Variants in BACH2 observed in about 807,000 individuals in gnomAD.
The protein encoded by BACH2 is BACH transcriptional regulator 2.
A neutral mutation model predicts 61.8 loss-of-function variants in BACH2; 5 were observed. The ratio of observed to expected loss-of-function variants is 0.08; its 90% CI spans 0.04 to 0.17. The LOEUF (loss-of-function observed/expected upper bound fraction) is 0.17. Ranked by LOEUF, BACH2 falls within the 10% of genes least tolerant of loss-of-function variation. The pLI, the probability that BACH2 is intolerant of heterozygous loss-of-function variation, is 1.00. For synonymous variants in BACH2, 446 were observed against 440.1 expected (o/e 1.01, Z -0.17); for missense variants, 824 against 1,091.1 (o/e 0.76, Z 3.45).
chr6:90,088,815 T>A (rs371020453), intron 5 of BACH2, 146 bp downstream of exon 5: 10 of 152,098 alleles, frequency 6.6e-5, no homozygotes, highest in East Asian at 5.7e-4. Flanking sequence ...AATATACAGA[T>A]TCCAACCTTT....
intron 4 of BACH2, among the ~76,000 whole-genome samples, chr6:90,176,130 G>A (rs1767976329): frequency 2.6e-5 from 4 of 152,172 alleles, no homozygotes; most frequent in African/African-American, 9.7e-5. Context: ...TGGGACCTGT[G>A]AATGTAACAA....
rs1773987168 is a variant in BACH2 at position 89,950,125 on chromosome 6, T to C, written c.1836+145A>G. On this transcript the variant is annotated intron_variant, in intron 7 of 8. Transcript: ENST00000257749. This position sits in a 1 kb window ranked among gnomAD's most constrained non-coding sequence, Gnocchi z 5.3. ...GTGGAATCACCTTCAGCATCCTGCC[T>C]CTGTGGATGGGGAAGGCAGTCTCTC... The C allele has an allele frequency of 2.1e-6, 2 of 931,508 alleles. No individual in the cohort carries two copies. The highest frequency in any genetic ancestry group is 3.4e-6 in the Non-Finnish European group (2 of 585,608). 57.7% of individuals were successfully genotyped at this position (931,508 alleles called of 1,614,324 possible). A position where few individuals can be genotyped will look rare whatever the true frequency, so the allele number is the denominator to read the frequency against.
intron 6 of BACH2, among the ~76,000 whole-genome samples, chr6:90,003,879 G>A (rs1777266012): frequency 6.6e-6 from 1 of 152,184 alleles, no homozygotes; most frequent in Non-Finnish European, 1.5e-5. Context: ...TCTCATCCTG[G>A]TCATGCCACT....
chr6:90,055,345 A>T (rs1780279822), intron 5 of BACH2, among the ~76,000 whole-genome samples: 1 of 152,240 alleles, frequency 6.6e-6, no homozygotes, highest in South Asian at 2.1e-4. Flanking sequence ...TCAGTAGCCG[A>T]TTCGATCAAC....
chr6:90,166,433 A>G (rs1767620690), intron 4 of BACH2, among the ~76,000 whole-genome samples: 1 of 152,250 alleles, frequency 6.6e-6, no homozygotes, highest in East Asian at 1.9e-4. Flanking sequence ...GTGGAGAAAT[A>G]GAAACACTTT....
intron 6 of BACH2, among the ~76,000 whole-genome samples, chr6:90,005,647 A>G (rs2127779573): frequency 6.6e-6 from 1 of 152,318 alleles, no homozygotes. Flanking sequence ...AGGTGCCCTG[A>G]GCAGAGGGGG....
rs1319923745 is a variant in BACH2 at position 90,099,515 on chromosome 6, A to C, written c.-161-10406T>G. On this transcript the variant is annotated intron_variant, in intron 4 of 8. Transcript: ENST00000257749. ...GGCCTCAGCCTCCTGAGTAGCTGGG[A>C]CTACAGGTGTGTGCCCTTAAAACTG... Among the ~76,000 whole-genome samples the C allele has an allele frequency of 3.0e-4, 46 of 152,186 alleles. 1 individual carries two copies. The highest frequency in any genetic ancestry group is 3.0e-3 in the Admixed American group (46 of 15,282).
chr6:90,201,518 G>A (rs1231821249), intron 4 of BACH2, among the ~76,000 whole-genome samples: 13 of 152,048 alleles, frequency 8.5e-5, no homozygotes. Flanking sequence ...TTCTATTAGT[G>A]TAATTATCTT....
chr6:90,044,086 A>G (rs1779669405), intron 5 of BACH2, among the ~76,000 whole-genome samples: 1 of 152,262 alleles, frequency 6.6e-6, no homozygotes. Flanking sequence ...TGAACAAAGC[A>G]AAGTTGTGCT....
At chr6:90,031,293 C>G (rs983016380) in intron 5 of BACH2, among the ~76,000 whole-genome samples, 3 of 152,114 alleles carry the variant, frequency 2.0e-5, no homozygotes, top group South Asian at 2.1e-4. Flanking sequence ...AAAATTGGCA[C>G]AAGACAGGGA....
chr6:90,243,783 C>T (rs1770537385), intron 3 of BACH2, among the ~76,000 whole-genome samples: 1 of 152,184 alleles, frequency 6.6e-6, no homozygotes, highest in Non-Finnish European at 1.5e-5. Flanking sequence ...GGTCTACTAC[C>T]TGAACAGTTC....
chr6:90,059,549 T>C (rs1364602539), intron 5 of BACH2, among the ~76,000 whole-genome samples: 2 of 152,174 alleles, frequency 1.3e-5, no homozygotes, highest in Admixed American at 6.5e-5. Context: ...AGTTCAACCA[T>C]TGTGGAAGTC....
chr6:90,039,625 C>A (rs1298221498), intron 5 of BACH2, among the ~76,000 whole-genome samples: 1 of 152,160 alleles, frequency 6.6e-6, no homozygotes, highest in Non-Finnish European at 1.5e-5. Context: ...ACCTCGTGAT[C>A]TGCTCGCCTC....
intron 1 of BACH2, among the ~76,000 whole-genome samples, chr6:90,277,587 C>T (rs540930893): frequency 2.6e-4 from 39 of 152,202 alleles, no homozygotes; most frequent in African/African-American, 8.9e-4. Context: ...TATGGAAATT[C>T]GTCAGTAAGA....
intron 4 of BACH2, among the ~76,000 whole-genome samples, chr6:90,142,613 C>T (rs1054916948): frequency 6.6e-6 from 1 of 151,990 alleles, no homozygotes; most frequent in South Asian, 2.1e-4. Context: ...TAAGATGATG[C>T]CCACTTTAAG....
At chr6:90,293,055 C>G (rs1287044624) in intron 1 of BACH2, among the ~76,000 whole-genome samples, 1 of 152,158 alleles carries the variant, frequency 6.6e-6, no homozygotes, top group African/African-American at 2.4e-5. Flanking sequence ...ACGAGGGGCC[C>G]TTTGTTCAAA....
At chr6:90,025,168 G>A (rs2127786081) in intron 5 of BACH2, among the ~76,000 whole-genome samples, 1 of 152,360 alleles carries the variant, frequency 6.6e-6, no homozygotes. Flanking sequence ...ACTGTTAGTG[G>A]TGGTTGGTGG....
At chr6:89,946,362 T>C (rs1217583786) in intron 7 of BACH2, among the ~76,000 whole-genome samples, 1 of 152,224 alleles carries the variant, frequency 6.6e-6, no homozygotes, top group Non-Finnish European at 1.5e-5. Flanking sequence ...TTGGACACTC[T>C]AAGTTGCTGA....
chr6:89,938,083 GTTACT>G (rs1246219748), intron 8 of BACH2, 56 bp downstream of exon 8: 3 of 1,500,500 alleles, frequency 2.0e-6, no homozygotes, highest in African/African-American at 1.4e-5. Flanking sequence ...TTTCATTGCT[GTTACT>G]TTACATTAGT....
Sources: allele counts gnomAD v4.1 joint callset (sites outside exome capture counted in the v4.1 genomes callset), GRCh38; gene constraint gnomAD v4.1.1; non-coding constraint Gnocchi (gnomAD v3.1); transcripts MANE v1.5; gene names NCBI Gene and HGNC (gene_info 2026-07-23, HGNC 2026-07-21).